ZFAT: variants seen among roughly 807,000 people sequenced by gnomAD.
ZFAT encodes the protein zinc finger protein ZFAT.
Under a neutral mutation model 117.7 loss-of-function variants are expected in ZFAT, and 64 were observed. The observed-to-expected ratio is 0.54, with a 90% CI of 0.44 to 0.67. The LOEUF is 0.67. Among genes scored for constraint, ZFAT ranks in the 30% least tolerant of loss-of-function variants. The pLI is 0.00. For synonymous variants in ZFAT, 679 were observed against 615.0 expected, an observed-to-expected ratio of 1.10 and a Z score of -1.54; for missense variants, 1,433 against 1,584.5, an observed-to-expected ratio of 0.90 and a Z score of 1.62.
intron 11 of ZFAT, among the ~76,000 whole-genome samples, chr8:134,536,808 C>A (rs1821877302): frequency 6.6e-6 from 1 of 152,158 alleles, no homozygotes; most frequent in Admixed American, 6.5e-5. Flanking sequence ...GTTATCTAGG[C>A]AAACTAAATC....
chr8:134,817,394 TACACACACACACACACA>T, the ZFAT span, among the ~76,000 whole-genome samples: 8 of 125,968 alleles, frequency 6.4e-5, no homozygotes, highest in Admixed American at 1.5e-4. Context: ...TCTCTCTCTC[TACACACACACACACACA>T]CACACACACA....
At chr8:134,709,366 T>A (rs1813901665) in intron 1 of ZFAT, among the ~76,000 whole-genome samples, 1 of 152,230 alleles carries the variant, frequency 6.6e-6, no homozygotes. Flanking sequence ...TGTGTCTCCT[T>A]TGCCGGTGAA....
At chr8:134,619,396 C>T (rs532630180) in intron 3 of ZFAT, among the ~76,000 whole-genome samples, 21 of 152,210 alleles carry the variant, frequency 1.4e-4, no homozygotes, top group Admixed American at 2.6e-4. Flanking sequence ...ATTGCAGTTG[C>T]GGACCACCAG....
At chr8:134,726,918 A>G in the ZFAT span, among the ~76,000 whole-genome samples, 1 of 152,058 alleles carries the variant, frequency 6.6e-6, no homozygotes, top group Non-Finnish European at 1.5e-5. Flanking sequence ...TTTTCTATCT[A>G]TTGAGAGACT....
chr8:134,655,839 C>T (rs570218774), intron 2 of ZFAT, among the ~76,000 whole-genome samples: 3 of 151,652 alleles, frequency 2.0e-5, no homozygotes, highest in Admixed American at 6.6e-5. Flanking sequence ...TTTTCTGAGT[C>T]CATATACATT....
At chr8:134,579,956 CAA>C (rs149153004) in intron 10 of ZFAT, among the ~76,000 whole-genome samples, 23 of 115,014 alleles carry the variant, frequency 2.0e-4, no homozygotes, top group Admixed American at 4.2e-4. Context: ...ACACAGGGAA[CAA>C]AAAAAAAAAA....
At chr8:134,828,832 T>C in the ZFAT span, among the ~76,000 whole-genome samples, 5 of 152,202 alleles carry the variant, frequency 3.3e-5, no homozygotes, top group African/African-American at 9.6e-5. Context: ...TTTACCAAAA[T>C]AGCATTTTTC....
chr8:134,538,796 CAA>C (rs35209102), intron 11 of ZFAT, among the ~76,000 whole-genome samples: 2,083 of 105,062 alleles, frequency 0.02, 22 homozygotes, highest in African/African-American at 0.065. Context: ...GACCCTGTCA[CAA>C]AAAAAAAAAA....
chr8:134,504,230 C>G (rs895994891), intron 15 of ZFAT, among the ~76,000 whole-genome samples: 5 of 152,130 alleles, frequency 3.3e-5, no homozygotes, highest in Non-Finnish European at 7.4e-5. Context: ...AACTCCCTCC[C>G]CCACCTCAGA....
chr8:134,806,461 T>C, the ZFAT span, among the ~76,000 whole-genome samples: 1 of 152,202 alleles, frequency 6.6e-6, no homozygotes, highest in East Asian at 1.9e-4. Context: ...ATTCAAACTG[T>C]ACTACAACTG....
intron 11 of ZFAT, among the ~76,000 whole-genome samples, chr8:134,537,447 C>A (rs947999780): frequency 6.6e-6 from 1 of 152,218 alleles, no homozygotes; most frequent in African/African-American, 2.4e-5. Flanking sequence ...GTATCAACCT[C>A]TAGACCGAGG....
At chr8:134,789,427 G>C in the ZFAT span, among the ~76,000 whole-genome samples, 1 of 152,060 alleles carries the variant, frequency 6.6e-6, no homozygotes, top group African/African-American at 2.4e-5. Context: ...ATTTCCCTTG[G>C]AATGATTTTG....
chr8:134,586,092 G>A (rs1430233613), intron 9 of ZFAT, among the ~76,000 whole-genome samples: 1 of 152,182 alleles, frequency 6.6e-6, no homozygotes, highest in Non-Finnish European at 1.5e-5. Context: ...GAACCCCAAT[G>A]TATGGTGTGT....
At position 134,583,828 on chromosome 8, in the gene ZFAT, T is replaced by C; in HGVS notation, c.2887+4A>G. Reference sequence around the variant, plus strand: ...GGAAAGTTCACCTTGGGCCATTTACTCACCATCTGCAGTGTGAAGGAGTTT... The same window carrying C: ...GGAAAGTTCACCTTGGGCCATTTACCCACCATCTGCAGTGTGAAGGAGTTT... On this transcript the variant is annotated splice_donor_region_variant and intron_variant, in intron 10 of 15. Transcript: ENST00000377838. 6.2e-7 allele frequency: 1 copy of C among 1,613,344 alleles called. No individual in the cohort carries two copies. Among genetic ancestry groups the C allele is most frequent in the Non-Finnish European group, 8.5e-7 (1 of 1,179,604 alleles).
chr8:134,684,619 T>C (rs1352431453), intron 1 of ZFAT, among the ~76,000 whole-genome samples: 1 of 152,212 alleles, frequency 6.6e-6, no homozygotes, highest in Admixed American at 6.5e-5. Context: ...GGATATGTCT[T>C]ACACTTCTCC....
the ZFAT span, chr8:134,766,874 C>T: frequency 4.6e-5 from 7 of 152,328 alleles, no homozygotes; most frequent in African/African-American, 1.7e-4. Context: ...GCCATGACAC[C>T]ACAGCCTTCA....
intron 7 of ZFAT, among the ~76,000 whole-genome samples, chr8:134,590,643 TCACCACCAC>T (rs150172744): frequency 0.21 from 30,348 of 147,680 alleles, 3,552 homozygotes; most frequent in East Asian, 0.52. Flanking sequence ...TCAATAGTCA[TCACCACCAC>T]CACCACCAAC....
At chr8:134,825,716 G>A in the ZFAT span, among the ~76,000 whole-genome samples, 1 of 152,134 alleles carries the variant, frequency 6.6e-6, no homozygotes, top group Non-Finnish European at 1.5e-5. Context: ...TTACTTACAG[G>A]CATACTTAAG....
At chr8:134,579,896 G>A (rs1341409017) in intron 10 of ZFAT, among the ~76,000 whole-genome samples, 1 of 150,908 alleles carries the variant, frequency 6.6e-6, no homozygotes, top group Non-Finnish European at 1.5e-5. Context: ...GGTTCAGTGA[G>A]CTGGGATTGC....
Sources: allele counts gnomAD v4.1 joint callset (sites outside exome capture counted in the v4.1 genomes callset), GRCh38; gene constraint gnomAD v4.1.1; transcripts MANE v1.5; gene names NCBI Gene and HGNC (gene_info 2026-07-23, HGNC 2026-07-21).